Variants in ENTREP2 observed in about 807,000 individuals in gnomAD.
The protein encoded by ENTREP2 is endosomal transmembrane epsin interactor 2, also known as protein ENTREP2.
chr15:29,331,683 G>A, the ENTREP2 span, among the ~76,000 whole-genome samples: 1 of 152,208 alleles, frequency 6.6e-6, no homozygotes, highest in Non-Finnish European at 1.5e-5. Context: ...AACCAAAAAT[G>A]CAAGCTGAGC....
At chr15:29,618,668 C>A in the ENTREP2 span, among the ~76,000 whole-genome samples, 1 of 152,282 alleles carries the variant, frequency 6.6e-6, no homozygotes, top group African/African-American at 2.4e-5. Flanking sequence ...TGATCAATAT[C>A]ATTCTTCTCT....
At chr15:29,394,668 C>T in the ENTREP2 span, among the ~76,000 whole-genome samples, 17 of 152,140 alleles carry the variant, frequency 1.1e-4, no homozygotes, top group African/African-American at 3.9e-4. Context: ...CCTCATCCAT[C>T]TCCAGAAAAC....
At chr15:29,269,882 G>A in the ENTREP2 span, 1 of 576,044 alleles carries the variant, frequency 1.7e-6, no homozygotes, top group Non-Finnish European at 2.8e-6. Flanking sequence ...GCGCCTGCGC[G>A]GCTGCGGCGG....
chr15:29,615,098 G>A, the ENTREP2 span, among the ~76,000 whole-genome samples: 19 of 151,748 alleles, frequency 1.3e-4, no homozygotes, highest in Non-Finnish European at 1.8e-4. Context: ...GAGTCGCCCC[G>A]CTTCACCAAG....
At chr15:29,338,536 G>A in the ENTREP2 span, among the ~76,000 whole-genome samples, 4 of 152,044 alleles carry the variant, frequency 2.6e-5, no homozygotes, top group South Asian at 2.1e-4. Context: ...CAAAGAGCAC[G>A]GATGCAGGCA....
the ENTREP2 span, among the ~76,000 whole-genome samples, chr15:29,429,626 C>T: frequency 2.0e-5 from 3 of 152,364 alleles, no homozygotes; most frequent in Admixed American, 1.3e-4. Flanking sequence ...ACCTGCTTTG[C>T]TGGTTGCAGT....
the ENTREP2 span, among the ~76,000 whole-genome samples, chr15:29,330,439 ACT>A: frequency 6.6e-6 from 1 of 151,892 alleles, no homozygotes; most frequent in South Asian, 2.1e-4. Context: ...ACAGAGCGAG[ACT>A]CTGTCTCAAA....
chr15:29,276,057 G>T, the ENTREP2 span, among the ~76,000 whole-genome samples: 1 of 152,198 alleles, frequency 6.6e-6, no homozygotes, highest in Admixed American at 6.5e-5. Flanking sequence ...TCATAGCAAA[G>T]ATCCCTCCTG....
At chr15:29,167,502 G>C in the ENTREP2 span, among the ~76,000 whole-genome samples, 2 of 152,078 alleles carry the variant, frequency 1.3e-5, no homozygotes, top group African/African-American at 4.8e-5. Flanking sequence ...ATCAAAGAGT[G>C]GGCTGACATG....
chr15:29,158,130 A>C, the ENTREP2 span, among the ~76,000 whole-genome samples: 1 of 152,214 alleles, frequency 6.6e-6, no homozygotes, highest in East Asian at 1.9e-4. Context: ...ATTTAAATGA[A>C]TGCCTTTCTA....
the ENTREP2 span, among the ~76,000 whole-genome samples, chr15:29,630,198 G>C: frequency 6.6e-6 from 1 of 152,130 alleles, no homozygotes; most frequent in Admixed American, 6.6e-5. Context: ...GTCTGCGAAT[G>C]TCTTTATCCT....
the ENTREP2 span, among the ~76,000 whole-genome samples, chr15:29,523,561 A>ATTTTTTTT: frequency 2.5e-4 from 20 of 78,506 alleles, no homozygotes; most frequent in African/African-American, 8.3e-4. Flanking sequence ...TCCCAGCTAG[A>ATTTTTTTT]TTTTTTTTTT....
the ENTREP2 span, among the ~76,000 whole-genome samples, chr15:29,612,977 C>T: frequency 1.3e-5 from 2 of 152,136 alleles, no homozygotes; most frequent in Non-Finnish European, 2.9e-5. Context: ...ATACGCAGAA[C>T]GAGACTGGTG....
At chr15:29,155,991 C>T in the ENTREP2 span, among the ~76,000 whole-genome samples, 1 of 152,166 alleles carries the variant, frequency 6.6e-6, no homozygotes, top group Non-Finnish European at 1.5e-5. Flanking sequence ...GCTCCTACAG[C>T]TGCTAGACAT....
At chr15:29,146,616 T>C in the ENTREP2 span, among the ~76,000 whole-genome samples, 3,597 of 152,210 alleles carry the variant, frequency 0.024, 64 homozygotes, top group Non-Finnish European at 0.031. Flanking sequence ...TCACACAGTG[T>C]ATAACAATGA....
At chr15:29,353,121 A>C in the ENTREP2 span, among the ~76,000 whole-genome samples, 1 of 151,844 alleles carries the variant, frequency 6.6e-6, no homozygotes, top group African/African-American at 2.4e-5. Flanking sequence ...AGCCTTTTAA[A>C]AGGTAACACA....
At chr15:29,160,007 G>C in the ENTREP2 span, among the ~76,000 whole-genome samples, 1 of 152,366 alleles carries the variant, frequency 6.6e-6, no homozygotes, top group South Asian at 2.1e-4. Context: ...GGCCGCACAG[G>C]AGCCCACGGA....
chr15:29,280,740 G>A, the ENTREP2 span, among the ~76,000 whole-genome samples: 3 of 152,188 alleles, frequency 2.0e-5, no homozygotes, highest in Admixed American at 6.5e-5. Flanking sequence ...CCGGGGAACC[G>A]CCATGGGAAG....
chr15:29,517,163 G>T, the ENTREP2 span, among the ~76,000 whole-genome samples: 7 of 152,032 alleles, frequency 4.6e-5, no homozygotes, highest in Non-Finnish European at 4.4e-5. Flanking sequence ...GGGGAGCAGC[G>T]GAGAGCAAAT....
Sources: gnomAD v4.1 joint callset for allele counts (sites outside exome capture counted in the v4.1 genomes callset) on GRCh38, gnomAD v4.1.1 for gene constraint, MANE v1.5 for transcripts, NCBI Gene and HGNC (gene_info 2026-07-23, HGNC 2026-07-21) for gene names.